Variants in EFHC2 observed in about 807,000 individuals in gnomAD.
The protein encoded by EFHC2 is EF-hand domain-containing family member C2.
EFHC2 carries 18 observed loss-of-function variants against 52.7 expected under a neutral mutation model. The ratio of observed to expected loss-of-function variants is 0.34; its 90% confidence interval spans 0.24 to 0.51. EFHC2 has a LOEUF of 0.51. Among genes scored for constraint, EFHC2 ranks in the 20% least tolerant of loss-of-function variants. The pLI is 0.97. For missense variants in EFHC2, 513 were observed against 562.5 expected (o/e 0.91, Z 0.89); for synonymous variants, 203 against 204.1 (o/e 0.99, Z 0.04).
chrX:44,240,579 A>G (rs2147328678), intron 8 of EFHC2, among the ~76,000 whole-genome samples: 1 of 112,214 alleles, frequency 8.9e-6, no homozygotes, highest in African/African-American at 3.2e-5. Flanking sequence ...GGCTGTCCTT[A>G]AAAACAGCAG....
intron 4 of EFHC2, among the ~76,000 whole-genome samples, chrX:44,251,598 A>G (rs1446912899): frequency 8.3e-5 from 2 of 24,211 alleles, no homozygotes; most frequent in Non-Finnish European, 1.2e-4. Flanking sequence ...AATACTCTGT[A>G]AAAAAAAAAA....
At position 44,261,298 on chromosome X, in the gene EFHC2, C is replaced by A; in HGVS notation, c.383G>T (p.Gly128Val). The change falls in exon 4 of 15, where the codon GGG becomes GTG. Residue 128 changes from glycine to valine, a missense_variant and splice_region_variant. By Grantham distance (109) the Gly-to-Val change is moderately radical. Transcript: ENST00000420999. ...PEVKNSGLLQ[G>V]TSIRRHRITL... ...AATCCGATGACGCCGGATAGAAGTCCCTATGGCATGAAAGAAAATACAACT... is the reference window on the plus strand; with the variant it reads ...AATCCGATGACGCCGGATAGAAGTCACTATGGCATGAAAGAAAATACAACT... The A allele has an allele frequency of 1.7e-6, 2 of 1,172,305 alleles. No individual in the cohort carries two copies. Among genetic ancestry groups the A allele is most frequent in the Non-Finnish European group, 2.3e-6 (2 of 874,105 alleles).
At chrX:44,337,073 G>A (rs935329198) in intron 1 of EFHC2, among the ~76,000 whole-genome samples, 7 of 111,420 alleles carry the variant, frequency 6.3e-5, no homozygotes, top group African/African-American at 2.3e-4. Flanking sequence ...CATTAATTAC[G>A]AGTTTACAAC....
At chrX:44,338,425 C>T (rs949155500) in intron 1 of EFHC2, among the ~76,000 whole-genome samples, 1 of 109,916 alleles carries the variant, frequency 9.1e-6, no homozygotes, top group South Asian at 3.9e-4. Flanking sequence ...GTCTTGAGCC[C>T]GAGAGGTTGA....
At chrX:44,219,160 A>G (rs77709562) in intron 11 of EFHC2, among the ~76,000 whole-genome samples, 1 of 107,376 alleles carries the variant, frequency 9.3e-6, no homozygotes, top group African/African-American at 3.4e-5. Flanking sequence ...AAAAAAAAAA[A>G]GCACCTAAAG....
At chrX:44,258,368 T>C (rs776440504) in intron 4 of EFHC2, among the ~76,000 whole-genome samples, 13 of 108,418 alleles carry the variant, frequency 1.2e-4, no homozygotes, top group Non-Finnish European at 1.7e-4. Flanking sequence ...TGGAAGAAAA[T>C]TTTTGCAATC....
At chrX:44,176,432 T>A (rs774719233) in intron 12 of EFHC2, 48 bp from the exon 13 acceptor site, 14 of 847,663 alleles carry the variant, frequency 1.7e-5, no homozygotes, top group Non-Finnish European at 2.3e-5. Context: ...TGTATACCTT[T>A]AGTAATAATT....
chrX:44,158,488 G>A lies in EFHC2; in HGVS notation c.2148+5434C>T, dbSNP rs971176062. 1.9e-4 allele frequency among the ~76,000 whole-genome samples: 21 copies of A among 110,872 alleles called. No individual in the cohort carries two copies. In the Admixed American group the frequency reaches 2.0e-3, roughly 11 times the overall value. ...CTCCATCTAAGCTTTGCTTCCACAC[G>A]GGAGCTCAGCCTGCCATTCCTTCTT... On this transcript the variant is annotated intron_variant, in intron 14 of 14. Coordinates refer to ENST00000420999, the MANE Select transcript of EFHC2 (RefSeq NM_025184.4).
intron 2 of EFHC2, among the ~76,000 whole-genome samples, chrX:44,305,155 G>A (rs1176187636): frequency 3.6e-5 from 4 of 110,594 alleles, no homozygotes; most frequent in Non-Finnish European, 7.6e-5. Flanking sequence ...CCAGCTACTC[G>A]GGAGGCTGAG....
chrX:44,330,022 G>C (rs1477188228), intron 1 of EFHC2, among the ~76,000 whole-genome samples: 1 of 101,271 alleles, frequency 9.9e-6, no homozygotes, highest in Non-Finnish European at 2.0e-5. Flanking sequence ...GCTGAGGCAG[G>C]TGCATCTCTT....
chrX:44,282,597 CAG>C (rs1450353730), intron 2 of EFHC2, among the ~76,000 whole-genome samples: 59 of 50,492 alleles, frequency 1.2e-3, no homozygotes, highest in Admixed American at 4.2e-3. Flanking sequence ...GCCTGGGCGA[CAG>C]AGTGAGACTC....
At chrX:44,327,443 T>C (rs143861041) in intron 1 of EFHC2, among the ~76,000 whole-genome samples, 1,572 of 111,898 alleles carry the variant, frequency 0.014, 18 homozygotes, top group African/African-American at 0.046. Context: ...TATTTTTCTA[T>C]TTTTTTAGGT....
chrX:44,210,463 G>A (rs1327887934), intron 11 of EFHC2, among the ~76,000 whole-genome samples: 1 of 112,184 alleles, frequency 8.9e-6, no homozygotes. Flanking sequence ...AAGAAAATGC[G>A]GTATTGGTAT....
intron 12 of EFHC2, 43 bp from the exon 13 acceptor site, chrX:44,176,427 A>G (rs1014555771): frequency 8.9e-6 from 8 of 898,391 alleles, no homozygotes; most frequent in African/African-American, 6.1e-5. Flanking sequence ...TACCTTGTAT[A>G]CCTTTAGTAA....
intron 2 of EFHC2, among the ~76,000 whole-genome samples, chrX:44,297,911 G>A (rs73628334): frequency 0.024 from 2,409 of 102,133 alleles, 69 homozygotes; most frequent in African/African-American, 0.084. Flanking sequence ...AGAGAATGAG[G>A]ATGAAGAGAC....
chrX:44,212,470 G>A (rs1386387902), intron 11 of EFHC2, among the ~76,000 whole-genome samples: 1 of 110,412 alleles, frequency 9.1e-6, no homozygotes, highest in African/African-American at 3.3e-5. Flanking sequence ...ACACTCAACT[G>A]CAGCCTGCTC....
chrX:44,202,411 A>G (rs893466130), intron 11 of EFHC2, among the ~76,000 whole-genome samples: 1 of 112,062 alleles, frequency 8.9e-6, no homozygotes, highest in Non-Finnish European at 1.9e-5. Context: ...GATTCCATCA[A>G]AAACAAAAAA....
At chrX:44,166,398 CCTAA>C (rs1033771781) in intron 13 of EFHC2, among the ~76,000 whole-genome samples, 3 of 111,193 alleles carry the variant, frequency 2.7e-5, no homozygotes, top group Middle Eastern at 4.2e-3. Flanking sequence ...ATGGAGCTGC[CCTAA>C]CTGAGATGAG....
chrX:44,302,341 C>G (rs751596437), intron 2 of EFHC2, among the ~76,000 whole-genome samples: 23 of 112,027 alleles, frequency 2.1e-4, no homozygotes, highest in African/African-American at 7.1e-4. Context: ...AAAATGTTGT[C>G]AAATAGCTAA....
Sources: allele counts gnomAD v4.1 joint callset (sites outside exome capture counted in the v4.1 genomes callset), GRCh38; gene constraint gnomAD v4.1.1; transcripts MANE v1.5; gene names NCBI Gene and HGNC (gene_info 2026-07-23, HGNC 2026-07-21).